The following TBCK variants were observed in gnomAD, a reference collection of about 807,000 sequenced individuals.
The protein encoded by TBCK is TBC1 domain containing kinase.
A neutral mutation model predicts 113.4 loss-of-function variants in TBCK; 99 were observed. That is an observed-to-expected ratio of 0.87 (90% CI 0.74 to 1.03). The LOEUF is 1.03. TBCK is among the 50% of genes least tolerant of loss of function. The pLI is 0.00. For missense variants in TBCK, 1,045 were observed against 1,061.3 expected, an observed-to-expected ratio of 0.98 and a Z score of 0.21; for synonymous variants, 369 against 370.8, an observed-to-expected ratio of 1.00 and a Z score of 0.05.
intron 25 of TBCK, among the ~76,000 whole-genome samples, chr4:106,092,689 C>T (rs1033939018): frequency 3.3e-5 from 5 of 152,324 alleles, no homozygotes; most frequent in African/African-American, 7.2e-5. Flanking sequence ...GCTCCCAGTG[C>T]GGGGCCGTCA....
At chr4:106,301,181 T>C (rs1766895711) in intron 2 of TBCK, among the ~76,000 whole-genome samples, 1 of 151,408 alleles carries the variant, frequency 6.6e-6, no homozygotes, top group African/African-American at 2.4e-5. Context: ...TAATTATATA[T>C]ATAATTTGTT....
At chr4:106,053,220 T>G (rs1735002130) in intron 25 of TBCK, among the ~76,000 whole-genome samples, 1 of 151,576 alleles carries the variant, frequency 6.6e-6, no homozygotes, top group Admixed American at 6.6e-5. Flanking sequence ...AATCTAATGG[T>G]TTGTCCTATC....
At chr4:106,259,665 A>C (rs1179235970) in intron 5 of TBCK, among the ~76,000 whole-genome samples, 1 of 151,970 alleles carries the variant, frequency 6.6e-6, no homozygotes, top group African/African-American at 2.4e-5. Context: ...GAAAAAGCAA[A>C]TGTAGTGAAA....
At chr4:106,254,700 C>T (rs1761797022) in intron 5 of TBCK, among the ~76,000 whole-genome samples, 1 of 151,792 alleles carries the variant, frequency 6.6e-6, no homozygotes, top group South Asian at 2.1e-4. Context: ...ACTTATTTTC[C>T]TACATAAATA....
At chr4:106,073,584 T>C (rs1356125162) in intron 25 of TBCK, among the ~76,000 whole-genome samples, 1 of 152,116 alleles carries the variant, frequency 6.6e-6, no homozygotes, top group Non-Finnish European at 1.5e-5. Context: ...GGGACCCACT[T>C]GAGGCAGTTT....
chr4:106,086,902 T>C (rs1443081576), intron 25 of TBCK, among the ~76,000 whole-genome samples: 2 of 152,184 alleles, frequency 1.3e-5, no homozygotes, highest in Non-Finnish European at 2.9e-5. Context: ...TTAAAAACTC[T>C]CAATAAACTC....
chr4:106,171,120 C>T lies in TBCK; in HGVS notation c.2210G>A (p.Cys737Tyr), dbSNP rs1219698104. The T allele has an allele frequency of 1.2e-6, 2 of 1,610,382 alleles. No homozygotes were observed. Among genetic ancestry groups the T allele is most frequent in the East Asian group, 4.5e-5 (2 of 44,776 alleles). The change falls in exon 23 of 26, where the codon TGT becomes TAT. Residue 737 changes from cysteine to tyrosine, a missense_variant. Cys to Tyr is a radical substitution (Grantham distance 194). Coordinates refer to ENST00000394708, the MANE Select transcript of TBCK (RefSeq NM_001163435.3). Reference sequence around the variant, plus strand: ...CAGATCTGTCTTTGGAGGATCTGGACACTCAGCAGAGAAATAAGGTGCCGA... The same window carrying T: ...CAGATCTGTCTTTGGAGGATCTGGATACTCAGCAGAGAAATAAGGTGCCGA... ...RSSAPYFSAE[C>Y]PDPPKTDLSR... is the part of the protein sequence containing the mutation.
rs1322024082 is a variant in TBCK at position 106,247,268 on chromosome 4, T to C, written c.802A>G (p.Met268Val). The C allele has an allele frequency of 1.2e-6, 2 of 1,612,090 alleles. No homozygotes were observed. The highest frequency in any genetic ancestry group is 1.7e-6 in the Non-Finnish European group (2 of 1,178,742). ...ACCTCACTGAATACTTTGTCCTTCATTAATTGATCTGGGGTTGGCCTTGAG... is the reference window on the plus strand; with the variant it reads ...ACCTCACTGAATACTTTGTCCTTCACTAATTGATCTGGGGTTGGCCTTGAG... Reference protein sequence around the residue: ...PSKRPTPDQLMKDKVFSEVSP... With the variant: ...PSKRPTPDQLVKDKVFSEVSP... The change falls in exon 10 of 26, where the codon ATG becomes GTG. Residue 268 changes from methionine (M) to valine (V), a missense_variant. Met to Val is a conservative substitution (Grantham distance 21). Coordinates refer to ENST00000394708, the MANE Select transcript of TBCK (RefSeq NM_001163435.3).
chr4:106,241,163 C>G (rs1195471888), intron 12 of TBCK, among the ~76,000 whole-genome samples: 1 of 151,256 alleles, frequency 6.6e-6, no homozygotes, highest in African/African-American at 2.4e-5. Flanking sequence ...TATATATATT[C>G]TATATACAAG....
At chr4:106,214,911 A>T (rs995982216) in intron 19 of TBCK, among the ~76,000 whole-genome samples, 8 of 151,994 alleles carry the variant, frequency 5.3e-5, no homozygotes, top group African/African-American at 1.5e-4. Context: ...GACACATAAT[A>T]GTCAGATTCA....
At chr4:106,125,820 A>C (rs891903924) in intron 23 of TBCK, among the ~76,000 whole-genome samples, 6 of 152,164 alleles carry the variant, frequency 3.9e-5, no homozygotes, top group Admixed American at 6.6e-5. Flanking sequence ...GATAGAAGGA[A>C]TAAGTTCTAG....
At chr4:106,073,985 G>A (rs984829089) in intron 25 of TBCK, among the ~76,000 whole-genome samples, 1 of 152,182 alleles carries the variant, frequency 6.6e-6, no homozygotes, top group Non-Finnish European at 1.5e-5. Context: ...GCAGTATTAA[G>A]CTGGAATGTC....
intron 19 of TBCK, among the ~76,000 whole-genome samples, chr4:106,221,163 T>C (rs1210118189): frequency 6.6e-6 from 1 of 152,200 alleles, no homozygotes; most frequent in Admixed American, 6.5e-5. Flanking sequence ...TTTTGTATTT[T>C]TAGTAGAGAC....
At chr4:106,057,966 A>G (rs1207923672) in intron 25 of TBCK, among the ~76,000 whole-genome samples, 1 of 151,770 alleles carries the variant, frequency 6.6e-6, no homozygotes, top group African/African-American at 2.4e-5. Context: ...TTAAACTAGT[A>G]CTTGACACTA....
At chr4:106,314,888 G>T (rs144730628) in intron 1 of TBCK, among the ~76,000 whole-genome samples, 1 of 151,942 alleles carries the variant, frequency 6.6e-6, no homozygotes, top group African/African-American at 2.4e-5. Flanking sequence ...ACCTCCCAAA[G>T]TGCTAGGACT....
At position 106,244,614 on chromosome 4, in the gene TBCK, T is replaced by C; in HGVS notation, c.1070+12A>G. ...ATTTATTTAAATTCCCAAGAGAAGT[T>C]TCTTTCCTTACTTGGGGAGTGTGCA... On this transcript the variant is annotated intron_variant, in intron 11 of 25. Coordinates refer to ENST00000394708, the MANE Select transcript of TBCK (RefSeq NM_001163435.3). The C allele has an allele frequency of 6.5e-7, 1 of 1,548,328 alleles. No homozygotes were observed. The highest frequency in any genetic ancestry group is 8.7e-7 in the Non-Finnish European group (1 of 1,153,912).
chr4:106,196,667 A>G (rs1579204398), intron 20 of TBCK, among the ~76,000 whole-genome samples: 1 of 152,102 alleles, frequency 6.6e-6, no homozygotes, highest in South Asian at 2.1e-4. Context: ...TGGAAAAAGG[A>G]AAAAGTACAA....
chr4:106,145,647 T>C (rs1747699795), intron 23 of TBCK, among the ~76,000 whole-genome samples: 1 of 152,232 alleles, frequency 6.6e-6, no homozygotes, highest in Non-Finnish European at 1.5e-5. Context: ...ATAATGTATG[T>C]CTTCTCTTGA....
chr4:106,219,597 A>G (rs1336510256), intron 19 of TBCK, among the ~76,000 whole-genome samples: 1 of 152,038 alleles, frequency 6.6e-6, no homozygotes, highest in African/African-American at 2.4e-5. Flanking sequence ...TTTACTCACT[A>G]TGCACTAATC....
Sources: allele counts gnomAD v4.1 joint callset (sites outside exome capture counted in the v4.1 genomes callset), GRCh38; gene constraint gnomAD v4.1.1; transcripts MANE v1.5; gene names NCBI Gene and HGNC (gene_info 2026-07-23, HGNC 2026-07-21).